Variants in ZNF385B observed in about 807,000 individuals in gnomAD.
ZNF385B encodes zinc finger protein 533.
In ZNF385B, 23 loss-of-function variants were observed where a neutral mutation model predicts 39.2. That is an observed-to-expected ratio of 0.59 (90% CI 0.42 to 0.83). The LOEUF is 0.83. Ranked by LOEUF, ZNF385B falls within the 40% of genes least tolerant of loss-of-function variation. The probability of loss-of-function intolerance (pLI) is 0.00; values close to 1 mark genes in which losing one functional copy is unlikely to be tolerated. For synonymous variants in ZNF385B, 205 were observed against 222.6 expected (o/e 0.92, Z 0.70); for missense variants, 552 against 598.9 (o/e 0.92, Z 0.82).
chr2:179,701,210 T>C (rs554041049), intron 3 of ZNF385B, among the ~76,000 whole-genome samples: 1 of 152,314 alleles, frequency 6.6e-6, no homozygotes, highest in Non-Finnish European at 1.5e-5. Flanking sequence ...CCTCCCCACC[T>C]GGCTTCTGGC....
intron 1 of ZNF385B, among the ~76,000 whole-genome samples, chr2:179,777,436 T>C (rs903089164): frequency 2.6e-5 from 4 of 152,154 alleles, no homozygotes; most frequent in African/African-American, 9.7e-5. Flanking sequence ...GACAGCTAAA[T>C]GTAGCACTAG....
chr2:179,550,017 T>C (rs2060471257), intron 3 of ZNF385B, among the ~76,000 whole-genome samples: 1 of 149,584 alleles, frequency 6.7e-6, no homozygotes. Context: ...AGATGATGTA[T>C]TATATAAATA....
chr2:179,735,596 A>G (rs74426752), intron 3 of ZNF385B, among the ~76,000 whole-genome samples: 22,837 of 135,820 alleles, frequency 0.17, 2,283 homozygotes, highest in East Asian at 0.44. Flanking sequence ...TGTTTATTGC[A>G]GCATTATTCA....
At chr2:179,784,714 G>A (rs1049748424) in intron 1 of ZNF385B, among the ~76,000 whole-genome samples, 1 of 152,102 alleles carries the variant, frequency 6.6e-6, no homozygotes, top group African/African-American at 2.4e-5. Context: ...ATTTGTCATC[G>A]GGGAAATGCA....
intron 6 of ZNF385B, among the ~76,000 whole-genome samples, chr2:179,448,924 C>G (rs2049793486): frequency 6.6e-6 from 1 of 152,122 alleles, no homozygotes; most frequent in Non-Finnish European, 1.5e-5. Context: ...ATCTATCCTG[C>G]TCAACAATCA....
chr2:179,528,075 A>C (rs1342717196), intron 4 of ZNF385B, among the ~76,000 whole-genome samples: 3 of 152,190 alleles, frequency 2.0e-5, no homozygotes, highest in Non-Finnish European at 4.4e-5. Flanking sequence ...TATGCAAAAA[A>C]ACAAAACAAA....
At chr2:179,584,828 G>A (rs1455627824) in intron 3 of ZNF385B, among the ~76,000 whole-genome samples, 1 of 152,154 alleles carries the variant, frequency 6.6e-6, no homozygotes, top group Non-Finnish European at 1.5e-5. Flanking sequence ...CCTATATATA[G>A]ATGCCATATG....
intron 3 of ZNF385B, among the ~76,000 whole-genome samples, chr2:179,735,102 G>A (rs181248520): frequency 6.6e-5 from 10 of 152,016 alleles, no homozygotes; most frequent in Non-Finnish European, 1.3e-4. Flanking sequence ...GCAACCTACA[G>A]AATGGGAGAA....
At chr2:179,522,383 A>G (rs1194827918) in intron 4 of ZNF385B, among the ~76,000 whole-genome samples, 1 of 152,220 alleles carries the variant, frequency 6.6e-6, no homozygotes, top group Non-Finnish European at 1.5e-5. Flanking sequence ...AGTCATAATG[A>G]GATGCATGTA....
At chr2:179,487,826 C>CCA (rs1441938761) in intron 5 of ZNF385B, among the ~76,000 whole-genome samples, 2 of 152,158 alleles carry the variant, frequency 1.3e-5, no homozygotes, top group Admixed American at 6.5e-5. Flanking sequence ...GTCGCCCAAA[C>CCA]CACTACACTG....
chr2:179,848,862 C>G (rs769242855), intron 1 of ZNF385B, among the ~76,000 whole-genome samples: 11 of 152,044 alleles, frequency 7.2e-5, no homozygotes, highest in Non-Finnish European at 1.5e-4. Flanking sequence ...GTGTCGGTCT[C>G]TTTCAGGTGT....
intron 3 of ZNF385B, among the ~76,000 whole-genome samples, chr2:179,752,398 T>C (rs1329534428): frequency 1.3e-5 from 2 of 152,224 alleles, no homozygotes; most frequent in Non-Finnish European, 2.9e-5. Flanking sequence ...TAAACATATG[T>C]GTGCATGTGC....
chr2:179,448,264 T>C (rs1462574608), intron 6 of ZNF385B, among the ~76,000 whole-genome samples: 2 of 152,098 alleles, frequency 1.3e-5, no homozygotes, highest in African/African-American at 4.8e-5. Flanking sequence ...GCAAATTAGA[T>C]TGGATAATAT....
intron 1 of ZNF385B, among the ~76,000 whole-genome samples, chr2:179,820,354 T>C (rs1162583186): frequency 1.3e-5 from 2 of 152,064 alleles, no homozygotes; most frequent in African/African-American, 4.8e-5. Context: ...TTTCTAAATT[T>C]GTTGATTTGT....
At chr2:179,816,563 G>A (rs1327625598) in intron 1 of ZNF385B, among the ~76,000 whole-genome samples, 1 of 152,082 alleles carries the variant, frequency 6.6e-6, no homozygotes, top group Non-Finnish European at 1.5e-5. Flanking sequence ...CTGGGAAGAG[G>A]GCAGAGAGCA....
intron 6 of ZNF385B, among the ~76,000 whole-genome samples, chr2:179,453,041 T>C (rs1216504415): frequency 6.6e-6 from 1 of 152,174 alleles, no homozygotes; most frequent in Non-Finnish European, 1.5e-5. Context: ...CAAATATGAA[T>C]ATACAGAAAC....
At chr2:179,745,938 T>A in intron 3 of ZNF385B, 2 of 1,234,690 alleles carry the variant, frequency 1.6e-6, no homozygotes, top group Admixed American at 4.2e-5. Flanking sequence ...ATCCTTTACA[T>A]GCTGGCAACA....
At chr2:179,725,208 C>G (rs1700927437) in intron 3 of ZNF385B, among the ~76,000 whole-genome samples, 1 of 152,000 alleles carries the variant, frequency 6.6e-6, no homozygotes, top group Non-Finnish European at 1.5e-5. Flanking sequence ...TCAGTGTATA[C>G]TGTTCAATCA....
intron 3 of ZNF385B, among the ~76,000 whole-genome samples, chr2:179,712,929 T>C (rs1700095956): frequency 6.6e-6 from 1 of 152,136 alleles, no homozygotes; most frequent in Non-Finnish European, 1.5e-5. Flanking sequence ...ACTTCTGATC[T>C]TTTTCTGGGC....
Sources: allele counts gnomAD v4.1 joint callset (sites outside exome capture counted in the v4.1 genomes callset), GRCh38; gene constraint gnomAD v4.1.1; transcripts MANE v1.5; gene names NCBI Gene and HGNC (gene_info 2026-07-23, HGNC 2026-07-21).